CTTN: variants seen among roughly 807,000 people sequenced by gnomAD.
The protein encoded by CTTN is cortactin.
Under a neutral mutation model 84.0 loss-of-function variants are expected in CTTN, and 28 were observed. That is an observed-to-expected ratio of 0.33 (90% CI 0.25 to 0.46). CTTN has a LOEUF of 0.46. CTTN is among the 20% of genes least tolerant of loss of function. CTTN has a pLI of 1.00. For missense variants in CTTN, 641 were observed against 723.8 expected (o/e 0.89, Z 1.31); for synonymous variants, 301 against 288.8 (o/e 1.04, Z -0.43).
intron 6 of CTTN, 121 bp from the exon 7 acceptor site, chr11:70,415,542 A>C (rs2058148218): frequency 5.4e-6 from 5 of 918,198 alleles, no homozygotes; most frequent in African/African-American, 1.6e-5. Context: ...AGGAACCCAG[A>C]GGTCACAGCA....
intron 8 of CTTN, among the ~76,000 whole-genome samples, chr11:70,419,312 G>T (rs2058201503): frequency 6.6e-6 from 1 of 151,858 alleles, no homozygotes; most frequent in Admixed American, 6.5e-5. Flanking sequence ...GTTTCATAAT[G>T]TTGGTCAGGC....
chr11:70,407,213 G>A (rs1031860272), intron 2 of CTTN, 85 bp from the exon 3 acceptor site: 54 of 1,109,048 alleles, frequency 4.9e-5, no homozygotes, highest in Non-Finnish European at 6.9e-5. Context: ...CTAGAATCTC[G>A]GTAGTTTTGG....
intron 14 of CTTN, among the ~76,000 whole-genome samples, chr11:70,430,821 G>T (rs1312717833): frequency 6.6e-6 from 1 of 152,240 alleles, no homozygotes; most frequent in Admixed American, 6.5e-5. Context: ...AGAATGAGCT[G>T]TGGCCCAGTC....
At chr11:70,402,841 C>T (rs1359910781) in intron 1 of CTTN, among the ~76,000 whole-genome samples, 1 of 152,164 alleles carries the variant, frequency 6.6e-6, no homozygotes, top group Non-Finnish European at 1.5e-5. Flanking sequence ...GGGCATAGAC[C>T]TAGGAGTGGA....
chr11:70,405,424 T>C (rs2058031018), intron 2 of CTTN, 63 bp downstream of exon 2: 1 of 152,252 alleles, frequency 6.6e-6, no homozygotes, highest in African/African-American at 2.4e-5. Context: ...CAAAAATCCC[T>C]TTAACAGGAA....
At chr11:70,434,843 A>G (rs761497614) in intron 17 of CTTN, among the ~76,000 whole-genome samples, 183 bp from the exon 18 acceptor site, 1 of 152,194 alleles carries the variant, frequency 6.6e-6, no homozygotes, top group Non-Finnish European at 1.5e-5. Flanking sequence ...CTCTCGGTTC[A>G]TGTTCACAAA....
chr11:70,435,189 G>GCC lies in CTTN; in HGVS notation c.*29_*30dup. On this transcript the variant is annotated 3_prime_UTR_variant, in exon 18 of 18. Coordinates refer to ENST00000301843, the MANE Select transcript of CTTN (RefSeq NM_005231.4). The stretch of plus-strand genomic sequence containing the variant: ...GCCCCCAGCCCCCCCCCGGAGCTGC[G>GCC]CCCTGGATCCTCACACTACAGATCA... 6.3e-7 allele frequency: 1 copy of GCC among 1,587,800 alleles called. No homozygotes were observed. Among genetic ancestry groups the GCC allele is most frequent in the South Asian group, 1.1e-5 (1 of 88,724 alleles).
At chr11:70,403,268 A>G (rs1194068157) in intron 1 of CTTN, among the ~76,000 whole-genome samples, 2 of 133,254 alleles carry the variant, frequency 1.5e-5, no homozygotes, top group Non-Finnish European at 3.1e-5. Context: ...GGCTCACTAC[A>G]GCCTCTGTCT....
intron 8 of CTTN, 84 bp from the exon 9 acceptor site, chr11:70,419,661 GT>G: frequency 8.7e-7 from 1 of 1,154,780 alleles, no homozygotes; most frequent in Non-Finnish European, 1.3e-6. Flanking sequence ...AAAGATTTTT[GT>G]TTTTTTAATC....
chr11:70,423,742 G>A (rs376449570), intron 12 of CTTN, among the ~76,000 whole-genome samples: 3 of 152,196 alleles, frequency 2.0e-5, no homozygotes, highest in Non-Finnish European at 2.9e-5. Flanking sequence ...GGATAGAGCT[G>A]GCCCTGGAGA....
intron 5 of CTTN, among the ~76,000 whole-genome samples, chr11:70,413,925 C>T (rs2058124716): frequency 6.6e-6 from 1 of 152,222 alleles, no homozygotes. Flanking sequence ...GATCCTGCCA[C>T]AGGCTGCCAG....
At position 70,404,979 on chromosome 11, in the gene CTTN, G is replaced by A. The variant is rs559660934; in HGVS notation, c.-97-286G>A. 2.0e-5 allele frequency among the ~76,000 whole-genome samples: 3 copies of A among 152,336 alleles called. No homozygotes were observed. In the South Asian group the frequency reaches 6.2e-4, roughly 32 times the overall value. The stretch of plus-strand genomic sequence containing the variant: ...ATTGTGCCATTGCACTCCAGCCTGT[G>A]CAACAAGAGTGAAACTCCATCTCAA... On this transcript the variant is annotated intron_variant, in intron 1 of 17. Coordinates refer to ENST00000301843, the MANE Select transcript of CTTN (RefSeq NM_005231.4).
intron 14 of CTTN, among the ~76,000 whole-genome samples, chr11:70,429,807 C>T (rs991196459): frequency 6.6e-6 from 1 of 152,114 alleles, no homozygotes; most frequent in South Asian, 2.1e-4. Flanking sequence ...CAAGGACTTT[C>T]CTTGTGCTCA....
chr11:70,429,010 T>C, intron 13 of CTTN, 41 bp from the exon 14 acceptor site: 1 of 1,610,348 alleles, frequency 6.2e-7, no homozygotes, highest in South Asian at 1.1e-5. Context: ...GCAGTGTTTT[T>C]GCTGTGCTCA....
chr11:70,418,977 A>G (rs1478495543), intron 8 of CTTN, among the ~76,000 whole-genome samples: 3 of 151,160 alleles, frequency 2.0e-5, no homozygotes, highest in African/African-American at 7.3e-5. Context: ...GGGTTTCACC[A>G]TGTTGCCCAG....
At chr11:70,420,573 C>G in intron 10 of CTTN, 63 bp downstream of exon 10, 1 of 1,217,728 alleles carries the variant, frequency 8.2e-7, no homozygotes, top group Non-Finnish European at 1.2e-6. Context: ...CTTGCGGGGT[C>G]AGTTGGTATG....
At chr11:70,423,826 C>T (rs972824734) in intron 12 of CTTN, among the ~76,000 whole-genome samples, 3 of 152,268 alleles carry the variant, frequency 2.0e-5, no homozygotes, top group East Asian at 3.9e-4. Context: ...CGTGCGTGGC[C>T]CCAGAAAGGT....
chr11:70,402,798 C>T (rs969975561), intron 1 of CTTN, among the ~76,000 whole-genome samples: 11 of 152,202 alleles, frequency 7.2e-5, no homozygotes, highest in African/African-American at 2.7e-4. Flanking sequence ...CACTCACGCA[C>T]AAGTTTTTGT....
chr11:70,435,173 C>T lies in CTTN; in HGVS notation c.*11C>T, dbSNP rs199842991. ...GAGCTGCGGCAGTAGGGCCCCCAGC[C>T]CCCCCCCGGAGCTGCGCCCTGGATC... On this transcript the variant is annotated 3_prime_UTR_variant, in exon 18 of 18. Transcript: ENST00000301843. 5.0e-5 allele frequency: 80 copies of T among 1,600,824 alleles called. 1 individual carries two copies. The Middle Eastern group carries it at 1.7e-3, about 34-fold the overall frequency.
Sources: gnomAD v4.1 joint callset for allele counts (sites outside exome capture counted in the v4.1 genomes callset) on GRCh38, gnomAD v4.1.1 for gene constraint, MANE v1.5 for transcripts, NCBI Gene and HGNC (gene_info 2026-07-23, HGNC 2026-07-21) for gene names.